Variants in NDUFV3 observed in about 807,000 individuals in gnomAD.
NDUFV3 encodes the protein NADH:ubiquinone oxidoreductase subunit V3, also known as NADH dehydrogenase [ubiquinone] flavoprotein 3, mitochondrial.
In NDUFV3, 44 loss-of-function variants were observed where a neutral mutation model predicts 37.5. The observed-to-expected ratio is 1.17, with a 90% confidence interval of 0.92 to 1.51. NDUFV3 has a LOEUF of 1.51. Ranked by LOEUF, NDUFV3 falls within the 40% of genes most tolerant of loss-of-function variation. The probability of loss-of-function intolerance (pLI) is 0.00; values close to 1 mark genes in which losing one functional copy is unlikely to be tolerated. For synonymous variants in NDUFV3, 235 were observed against 239.3 expected (o/e 0.98, Z 0.17); for missense variants, 580 against 580.4 (o/e 1.00, Z 0.01).
At position 42,908,978 on chromosome 21, in the gene NDUFV3, G is replaced by A. The variant is rs2058755215; in HGVS notation, c.1379G>A (p.Arg460Lys). 6.2e-7 allele frequency: 1 copy of A among 1,613,916 alleles called. No homozygotes were observed. Among genetic ancestry groups the A allele is most frequent in the African/African-American group, 1.3e-5 (1 of 74,890 alleles). ...CTCAACCTCGAACTCTCAAAATTCA[G>A]GATGCCTCAGCCCTCCTCAGGCCGG... ...LDLNLELSKF[R>K]MPQPSSGRES... is the part of the protein sequence containing the mutation. Residue 460 changes from arginine to lysine, a missense_variant, in exon 4 of 4, where the codon AGG (arginine) becomes AAG (lysine). Physicochemically the swap from Arg to Lys is conservative, Grantham distance 26 (BLOSUM62 2). Transcript: ENST00000354250.
At chr21:42,903,119 G>A in intron 2 of NDUFV3, 63 bp from the exon 3 acceptor site, 4 of 1,595,654 alleles carry the variant, frequency 2.5e-6, no homozygotes, top group South Asian at 2.2e-5. Flanking sequence ...TGAAATGTCT[G>A]TAATTTTGAC....
intron 1 of NDUFV3, among the ~76,000 whole-genome samples, chr21:42,895,906 C>G (rs2058688321): frequency 1.3e-5 from 2 of 151,688 alleles, no homozygotes; most frequent in Admixed American, 6.6e-5. Flanking sequence ...ATGTTTTGCA[C>G]TTACATGTAG....
chr21:42,895,419 T>C (rs1179519746), intron 1 of NDUFV3, among the ~76,000 whole-genome samples: 1 of 151,840 alleles, frequency 6.6e-6, no homozygotes, highest in East Asian at 1.9e-4. Context: ...GAGGCGGAGA[T>C]TGTAGTGAGC....
At chr21:42,894,562 T>TATA (rs61195856) in intron 1 of NDUFV3, among the ~76,000 whole-genome samples, 5 of 99,842 alleles carry the variant, frequency 5.0e-5, no homozygotes, top group East Asian at 2.4e-4. Context: ...TATATATATA[T>TATA]TTTTTTTTGA....
At chr21:42,906,419 T>C (rs186667685) in intron 3 of NDUFV3, among the ~76,000 whole-genome samples, 44 of 152,246 alleles carry the variant, frequency 2.9e-4, no homozygotes, top group Admixed American at 1.2e-3. Context: ...ATCTATGTGT[T>C]TTCCCCCCTC....
chr21:42,900,423 G>T (rs142843556), intron 2 of NDUFV3, among the ~76,000 whole-genome samples: 1 of 152,150 alleles, frequency 6.6e-6, no homozygotes, highest in Non-Finnish European at 1.5e-5. Context: ...GAATCGCTTG[G>T]ACCCAGGAGG....
chr21:42,908,516 A>G (rs764825625), intron 3 of NDUFV3, among the ~76,000 whole-genome samples: 44 of 152,298 alleles, frequency 2.9e-4, no homozygotes, highest in Admixed American at 5.2e-4. Context: ...AGTCATTCAT[A>G]AAGAACTGTT....
At chr21:42,896,781 G>T (rs2058693321) in intron 1 of NDUFV3, 146 bp from the exon 2 acceptor site, 3 of 715,228 alleles carry the variant, frequency 4.2e-6, no homozygotes. Flanking sequence ...GAAGGCTGCA[G>T]TGAGCCATGA....
At chr21:42,894,146 C>T (rs1480694037) in intron 1 of NDUFV3, among the ~76,000 whole-genome samples, 1 of 147,888 alleles carries the variant, frequency 6.8e-6, no homozygotes, top group African/African-American at 2.5e-5. Flanking sequence ...ACCCGGGACG[C>T]GGAGGTTGCA....
At chr21:42,900,536 AAAAT>A (rs1211916652) in intron 2 of NDUFV3, among the ~76,000 whole-genome samples, 3 of 152,148 alleles carry the variant, frequency 2.0e-5, no homozygotes, top group African/African-American at 7.2e-5. Flanking sequence ...TGTACAAAGA[AAAAT>A]AAATAATGCT....
At chr21:42,895,611 C>T (rs1382472327) in intron 1 of NDUFV3, among the ~76,000 whole-genome samples, 3 of 149,758 alleles carry the variant, frequency 2.0e-5, no homozygotes, top group Non-Finnish European at 4.4e-5. Context: ...AAGATTGAGC[C>T]ACTGCACTCC....
chr21:42,903,344 G>C lies in NDUFV3; in HGVS notation c.332G>C (p.Gly111Ala), dbSNP rs1008879717. Residue 111 changes from glycine to alanine, a missense_variant, in exon 3 of 4, where the codon GGG becomes GCG. By Grantham distance (60) the Gly-to-Ala change is moderately conservative. Transcript: ENST00000354250. ...GGCAGCGTGCTATTCACAGATGAAG[G>C]GGTTCCGAAATTTTTGTCAAGAAAG... ...PSGSVLFTDEGVPKFLSRKTL... is the reference protein window; with the variant it reads ...PSGSVLFTDEAVPKFLSRKTL... 2 of 1,614,170 alleles carry C rather than the reference G, an allele frequency of 1.2e-6. No homozygotes were observed. The highest frequency in any genetic ancestry group is 8.5e-7 in the Non-Finnish European group (1 of 1,180,032).
chr21:42,905,703 A>C (rs2058738106), intron 3 of NDUFV3, among the ~76,000 whole-genome samples: 2 of 152,048 alleles, frequency 1.3e-5, no homozygotes, highest in South Asian at 4.2e-4. Flanking sequence ...TTTAGTAGAG[A>C]CAGGGTTTTA....
In NDUFV3 at chr21:42,903,448, C is replaced by T. The variant is rs769761887; in HGVS notation, c.436C>T (p.Arg146Trp). 1.4e-5 allele frequency: 22 copies of T among 1,613,942 alleles called. No homozygotes were observed. In the South Asian group the frequency reaches 1.5e-4, roughly 11 times the overall value. ...GSDSEARQVGRKVTSPSSSSS... is the reference protein window; with the variant it reads ...GSDSEARQVGWKVTSPSSSSS... Reference sequence around the variant, plus strand: ...TGATTCAGAAGCTCGTCAGGTGGGTCGGAAAGTGACGTCGCCTTCGTCTTC... The same window carrying T: ...TGATTCAGAAGCTCGTCAGGTGGGTTGGAAAGTGACGTCGCCTTCGTCTTC... Residue 146 changes from arginine to tryptophan, a missense_variant, in exon 3 of 4, where the codon CGG becomes TGG. Physicochemically the swap from Arg to Trp is moderately radical, Grantham distance 101. Transcript: ENST00000354250.
At chr21:42,908,172 T>C (rs926926308) in intron 3 of NDUFV3, among the ~76,000 whole-genome samples, 3 of 151,936 alleles carry the variant, frequency 2.0e-5, no homozygotes, top group Non-Finnish European at 4.4e-5. Flanking sequence ...CCAGGCGTGG[T>C]GGCAGACGCC....
At chr21:42,895,032 T>A (rs1356213001) in intron 1 of NDUFV3, among the ~76,000 whole-genome samples, 1 of 152,176 alleles carries the variant, frequency 6.6e-6, no homozygotes, top group East Asian at 1.9e-4. Flanking sequence ...TTTCTTCTAC[T>A]CTATTTTCTA....
At chr21:42,906,694 G>C (rs2058743433) in intron 3 of NDUFV3, 4 of 322,108 alleles carry the variant, frequency 1.2e-5, no homozygotes, top group South Asian at 1.0e-4. Flanking sequence ...AGCCGTGTCT[G>C]TATGGGGCCG....
chr21:42,906,630 GGT>G (rs1216592945), intron 3 of NDUFV3, among the ~76,000 whole-genome samples: 6 of 152,194 alleles, frequency 3.9e-5, no homozygotes, highest in Non-Finnish European at 8.8e-5. Flanking sequence ...ATATTTCACG[GGT>G]GTGTTGTTTC....
At chr21:42,897,432 T>C (rs1272649862) in intron 2 of NDUFV3, among the ~76,000 whole-genome samples, 1 of 152,144 alleles carries the variant, frequency 6.6e-6, no homozygotes, top group African/African-American at 2.4e-5. Context: ...TTTGTTTTGT[T>C]TTGTTTTGTT....
Sources: gnomAD v4.1 joint callset for allele counts (sites outside exome capture counted in the v4.1 genomes callset) on GRCh38, gnomAD v4.1.1 for gene constraint, MANE v1.5 for transcripts, NCBI Gene and HGNC (gene_info 2026-07-23, HGNC 2026-07-21) for gene names.